Variants in PCDH15 observed in about 807,000 individuals in gnomAD.
PCDH15 encodes the protein protocadherin-15.
A neutral mutation model predicts 178.5 loss-of-function variants in PCDH15; 129 were observed. The observed-to-expected ratio is 0.72, with a 90% CI of 0.63 to 0.84. The LOEUF (loss-of-function observed/expected upper bound fraction) is 0.84. Among genes scored for constraint, PCDH15 ranks in the 40% least tolerant of loss-of-function variants. The probability of loss-of-function intolerance (pLI) is 0.00; values close to 1 mark genes in which losing one functional copy is unlikely to be tolerated. For missense variants in PCDH15, 2,230 were observed against 2,099.9 expected, an observed-to-expected ratio of 1.06 and a Z score of -1.21; for synonymous variants, 800 against 732.0, an observed-to-expected ratio of 1.09 and a Z score of -1.50.
At chr10:54,972,978 C>T (rs1838976268) in intron 2 of PCDH15, among the ~76,000 whole-genome samples, 4 of 149,646 alleles carry the variant, frequency 2.7e-5, no homozygotes, top group South Asian at 4.2e-4. Flanking sequence ...GTTAAACTTA[C>T]AAGAATAACA....
intron 1 of PCDH15, among the ~76,000 whole-genome samples, chr10:54,800,440 GTTCA>G (rs1246921945): frequency 2.6e-5 from 4 of 152,112 alleles, no homozygotes; most frequent in African/African-American, 9.7e-5. Context: ...AAAAAATACT[GTTCA>G]TTGTGAGGCA....
chr10:54,797,858 G>C (rs548770179), intron 1 of PCDH15, among the ~76,000 whole-genome samples: 18 of 152,022 alleles, frequency 1.2e-4, no homozygotes, highest in Admixed American at 6.6e-4. Context: ...TTTAGGCTGA[G>C]ATTAAGTCAT....
intron 18 of PCDH15, among the ~76,000 whole-genome samples, chr10:54,046,957 T>C (rs529700010): frequency 8.7e-4 from 132 of 152,232 alleles, no homozygotes; most frequent in African/African-American, 2.9e-3. Flanking sequence ...AGTTATAATA[T>C]TTGTAGAGAA....
chr10:53,958,960 C>T (rs1446428482), intron 23 of PCDH15, among the ~76,000 whole-genome samples: 2 of 98,860 alleles, frequency 2.0e-5, no homozygotes, highest in East Asian at 3.5e-4. Context: ...GCCTGGGCAA[C>T]AGAGCAAGAC....
intron 2 of PCDH15, among the ~76,000 whole-genome samples, chr10:54,571,928 G>T (rs959044494): frequency 6.6e-6 from 1 of 152,112 alleles, no homozygotes; most frequent in Non-Finnish European, 1.5e-5. Context: ...GAGGGTGTGA[G>T]TTGAAGAACA....
chr10:55,519,072 C>A (rs1336805660), intron 2 of PCDH15, among the ~76,000 whole-genome samples: 4 of 107,494 alleles, frequency 3.7e-5, no homozygotes, highest in Admixed American at 1.4e-4. Flanking sequence ...CCAGCCTGGG[C>A]AACAGAGTGA....
At position 54,549,083 on chromosome 10, in the gene PCDH15, T is replaced by A. The variant is rs1331574360; in HGVS notation, c.92-21206A>T. 3.9e-5 allele frequency among the ~76,000 whole-genome samples: 6 copies of A among 152,072 alleles called. 1 individual carries two copies. The highest frequency in any genetic ancestry group is 3.9e-4 in the Admixed American group (6 of 15,260). The stretch of plus-strand genomic sequence containing the variant: ...GTTTTAATATTATTTATTTGGCTTC[T>A]TTCTTTAATTTCTATTTTTCCTGTT... On this transcript the variant is annotated intron_variant, in intron 2 of 37. Coordinates refer to ENST00000644397, the MANE Select transcript of PCDH15 (RefSeq NM_001384140.1).
chr10:54,716,043 G>T (rs535612629), intron 1 of PCDH15, among the ~76,000 whole-genome samples: 1 of 152,266 alleles, frequency 6.6e-6, no homozygotes, highest in African/African-American at 2.4e-5. Flanking sequence ...GGCAGCAGAA[G>T]TTTCTAGAAT....
intron 2 of PCDH15, among the ~76,000 whole-genome samples, chr10:55,589,241 A>G (rs2132129503): frequency 6.6e-6 from 1 of 152,222 alleles, no homozygotes; most frequent in East Asian, 1.9e-4. Flanking sequence ...TATAAGGTGT[A>G]AGGAAGGGAT....
intron 2 of PCDH15, among the ~76,000 whole-genome samples, chr10:54,902,657 T>A (rs1261144480): frequency 1.3e-5 from 2 of 152,168 alleles, no homozygotes; most frequent in Non-Finnish European, 1.5e-5. Context: ...CAGACTAATA[T>A]AACAACAAAC....
At chr10:54,512,359 TTGTGTGTGTG>T (rs200575121) in intron 3 of PCDH15, among the ~76,000 whole-genome samples, 20,030 of 134,080 alleles carry the variant, frequency 0.15, 1,613 homozygotes, top group East Asian at 0.35. Flanking sequence ...ATTTCTGGCA[TTGTGTGTGTG>T]TGTGTGTGTG....
chr10:54,242,199 CAT>C (rs1564770356), intron 8 of PCDH15, among the ~76,000 whole-genome samples: 10 of 121,790 alleles, frequency 8.2e-5, no homozygotes, highest in East Asian at 2.5e-4. Context: ...CACACACACA[CAT>C]ACATACATAC....
chr10:53,889,300 A>G lies in PCDH15; in HGVS notation c.3501+13943T>C, dbSNP rs192534853. ...CCTTGGGAGACGATATATCCAATAC[A>G]TATATTGAATAAAGATATGCAATCC... On this transcript the variant is annotated intron_variant, in intron 26 of 37. Coordinates refer to ENST00000644397, the MANE Select transcript of PCDH15 (RefSeq NM_001384140.1). Among the ~76,000 whole-genome samples, 412 of 152,202 alleles carry G rather than the reference A, an allele frequency of 2.7e-3. 2 individuals are homozygous for G. Among genetic ancestry groups the G allele is most frequent in the African/African-American group, 9.5e-3 (395 of 41,576 alleles).
At chr10:54,491,512 T>C (rs2079591189) in intron 3 of PCDH15, among the ~76,000 whole-genome samples, 1 of 151,998 alleles carries the variant, frequency 6.6e-6, no homozygotes, top group African/African-American at 2.4e-5. Context: ...GTTTATAGAG[T>C]AGATGATTAG....
intron 1 of PCDH15, among the ~76,000 whole-genome samples, chr10:55,289,456 A>G (rs1842955103): frequency 6.6e-6 from 1 of 151,502 alleles, no homozygotes; most frequent in Admixed American, 6.6e-5. Context: ...AAAAGAAGGA[A>G]TGGAAGGAGA....
At position 54,976,821 on chromosome 10, in the gene PCDH15, T is replaced by A. The variant is rs114681986; in HGVS notation, c.-79-79321A>T. 5.5e-3 allele frequency among the ~76,000 whole-genome samples: 837 copies of A among 152,204 alleles called. 4 individuals are homozygous for A. The highest frequency in any genetic ancestry group is 0.019 in the African/African-American group (795 of 41,554). On this transcript the variant is annotated intron_variant, in intron 2 of 5. Transcript: ENST00000458638. Reference sequence around the variant, plus strand: ...CTTACAGAGGTGGTTTCAGCCCCCATATAAGGAGGGGATTAGTTTTAGGGA... The same window carrying A: ...CTTACAGAGGTGGTTTCAGCCCCCAAATAAGGAGGGGATTAGTTTTAGGGA...
intron 2 of PCDH15, among the ~76,000 whole-genome samples, chr10:54,642,853 C>A (rs1044377878): frequency 6.6e-6 from 1 of 152,036 alleles, no homozygotes; most frequent in African/African-American, 2.4e-5. Context: ...ATGACTTTGA[C>A]CCAAGTTTAT....
At chr10:55,143,876 G>A (rs1838421444) in intron 2 of PCDH15, among the ~76,000 whole-genome samples, 1 of 152,020 alleles carries the variant, frequency 6.6e-6, no homozygotes. Flanking sequence ...CAATGTACTT[G>A]CCAAATTTTA....
intron 3 of PCDH15, among the ~76,000 whole-genome samples, chr10:54,839,057 C>G (rs968357304): frequency 2.6e-5 from 4 of 152,132 alleles, no homozygotes; most frequent in African/African-American, 9.7e-5. Flanking sequence ...TAAAACCAGT[C>G]TGTAAAGGCT....
Sources: gnomAD v4.1 joint callset for allele counts (sites outside exome capture counted in the v4.1 genomes callset) on GRCh38, gnomAD v4.1.1 for gene constraint, MANE v1.5 for transcripts, NCBI Gene and HGNC (gene_info 2026-07-23, HGNC 2026-07-21) for gene names.